SOX6: variants seen among roughly 807,000 people sequenced by gnomAD.
The protein encoded by SOX6 is transcription factor SOX-6.
In SOX6, 11 loss-of-function variants were observed where a neutral mutation model predicts 97.8. That is an observed-to-expected ratio of 0.11 (90% CI 0.07 to 0.19). SOX6 has a LOEUF of 0.19. Among genes scored for constraint, SOX6 ranks in the 10% least tolerant of loss-of-function variants. The pLI, the probability that SOX6 is intolerant of heterozygous loss-of-function variation, is 1.00. For missense variants in SOX6, 810 were observed against 1,039.5 expected (o/e 0.78, Z 3.04); for synonymous variants, 360 against 371.4 (o/e 0.97, Z 0.35).
intron 1 of SOX6, among the ~76,000 whole-genome samples, chr11:16,448,913 T>C (rs561975688): frequency 1.3e-5 from 2 of 152,212 alleles, no homozygotes; most frequent in African/African-American, 2.4e-5. Flanking sequence ...TGCACACTTA[T>C]AAAGCTGTAT....
At chr11:16,295,129 TA>T (rs1205071376) in intron 3 of SOX6, among the ~76,000 whole-genome samples, 3 of 152,090 alleles carry the variant, frequency 2.0e-5, no homozygotes, top group African/African-American at 4.8e-5. Flanking sequence ...TAAGGTAATC[TA>T]AAATGTAAAA....
chr11:16,345,859 T>C (rs1357243323), intron 1 of SOX6, among the ~76,000 whole-genome samples: 1 of 152,028 alleles, frequency 6.6e-6, no homozygotes, highest in Non-Finnish European at 1.5e-5. Flanking sequence ...TATTATAGCT[T>C]GAAAAGTATC....
At chr11:16,022,480 C>T (rs892610466) in intron 12 of SOX6, among the ~76,000 whole-genome samples, 3 of 151,508 alleles carry the variant, frequency 2.0e-5, no homozygotes, top group African/African-American at 7.3e-5. Context: ...GGCATGATCT[C>T]GGCTCACTGC....
chr11:16,041,567 T>G (rs1366337728), intron 12 of SOX6, among the ~76,000 whole-genome samples: 1 of 152,154 alleles, frequency 6.6e-6, no homozygotes, highest in Non-Finnish European at 1.5e-5. Flanking sequence ...TCCTATTTAA[T>G]TCACTGAAAA....
At chr11:16,720,890 C>T (rs530981294) in intron 2 of SOX6, among the ~76,000 whole-genome samples, 2 of 152,146 alleles carry the variant, frequency 1.3e-5, no homozygotes, top group South Asian at 4.2e-4. Context: ...AGTAACTTTT[C>T]GAAGTTGAGA....
intron 3 of SOX6, among the ~76,000 whole-genome samples, chr11:16,654,635 T>A (rs779673569): frequency 6.6e-6 from 1 of 152,196 alleles, no homozygotes; most frequent in African/African-American, 2.4e-5. Flanking sequence ...AATAAAATTC[T>A]AGGCTGATAT....
intron 4 of SOX6, among the ~76,000 whole-genome samples, chr11:16,531,719 C>T (rs948904273): frequency 6.6e-6 from 1 of 151,884 alleles, no homozygotes; most frequent in African/African-American, 2.4e-5. Context: ...TAAAGTCTTA[C>T]ATTATGTGTA....
At chr11:16,627,958 T>A (rs1346388439) in intron 3 of SOX6, among the ~76,000 whole-genome samples, 1 of 152,186 alleles carries the variant, frequency 6.6e-6, no homozygotes, top group Non-Finnish European at 1.5e-5. Context: ...TAATCCATCT[T>A]GAGTTAATTT....
intron 4 of SOX6, among the ~76,000 whole-genome samples, chr11:16,500,810 G>C (rs560094221): frequency 3.9e-5 from 6 of 152,176 alleles, no homozygotes; most frequent in African/African-American, 1.4e-4. Flanking sequence ...AAATAAAAGA[G>C]GATACAAACA....
chr11:16,709,473 G>A (rs1279814346), intron 3 of SOX6, among the ~76,000 whole-genome samples: 2 of 151,986 alleles, frequency 1.3e-5, no homozygotes, highest in Non-Finnish European at 2.9e-5. Flanking sequence ...AGTTGAGATC[G>A]TGCGACTGCA....
chr11:16,484,013 CTCGGGCTT>C lies in SOX6; in HGVS notation n.610-7633_610-7626del, dbSNP rs1860390261. ...CTGGGATCCTCCAGGAGGCAAGGTC[CTCGGGCTT>C]GGCCCAGGGCCTGTCGGGAGAGCCG... On this transcript the variant is annotated intron_variant and non_coding_transcript_variant, in intron 4 of 5. Coordinates refer to the SOX6 transcript ENST00000524520. 68 of 826,474 alleles carry C rather than the reference CTCGGGCTT, an allele frequency of 8.2e-5. 1 individual carries two copies. In the South Asian group the frequency reaches 8.6e-4, roughly 10 times the overall value. The allele number at this position is 826,474 out of a possible 1,614,324, so 51.2% of individuals were successfully genotyped here. A position where few individuals can be genotyped will look rare whatever the true frequency, so the allele number is the denominator to read the frequency against.
chr11:16,184,110 A>C (rs555475413), intron 5 of SOX6, among the ~76,000 whole-genome samples, 156 bp from the exon 6 acceptor site: 8 of 152,236 alleles, frequency 5.3e-5, no homozygotes, highest in African/African-American at 1.9e-4. Flanking sequence ...AGATGGATGA[A>C]AGGAAAAATT....
chr11:15,996,995 T>A (rs755857312), intron 13 of SOX6, among the ~76,000 whole-genome samples: 3 of 151,992 alleles, frequency 2.0e-5, no homozygotes, highest in Non-Finnish European at 4.4e-5. Flanking sequence ...GTAAGATGGG[T>A]CAACAGACAA....
At chr11:16,376,059 A>AG (rs1489098438) in intron 1 of SOX6, among the ~76,000 whole-genome samples, 1 of 152,110 alleles carries the variant, frequency 6.6e-6, no homozygotes, top group African/African-American at 2.4e-5. Flanking sequence ...GGATAACATT[A>AG]GGAGAAATAC....
At chr11:16,561,318 C>G (rs570837487) in intron 4 of SOX6, among the ~76,000 whole-genome samples, 110 of 152,190 alleles carry the variant, frequency 7.2e-4, no homozygotes, top group African/African-American at 2.6e-3. Flanking sequence ...TGAACTGCTC[C>G]TGTGAATGAC....
chr11:16,454,250 C>T (rs1859772748), intron 1 of SOX6, among the ~76,000 whole-genome samples: 2 of 152,016 alleles, frequency 1.3e-5, no homozygotes, highest in South Asian at 4.1e-4. Flanking sequence ...AAATTACAAG[C>T]TCAATTGTTA....
At chr11:16,122,771 G>A (rs938020851) in intron 6 of SOX6, among the ~76,000 whole-genome samples, 16 of 151,922 alleles carry the variant, frequency 1.1e-4, no homozygotes, top group Admixed American at 1.1e-3. Context: ...CAGAGTAGGG[G>A]CTCAACAAAT....
intron 2 of SOX6, among the ~76,000 whole-genome samples, chr11:16,319,867 G>A (rs999318841): frequency 2.8e-4 from 43 of 151,328 alleles, no homozygotes; most frequent in Admixed American, 2.6e-3. Context: ...TTTTACAAAA[G>A]GACAAGTTTA....
intron 4 of SOX6, 41 bp from the exon 5 acceptor site, chr11:16,186,996 T>C: frequency 6.2e-7 from 1 of 1,609,374 alleles, no homozygotes; most frequent in Non-Finnish European, 8.5e-7. Flanking sequence ...GCTTGAGAAA[T>C]ACCTGGACGA....
Sources: allele counts gnomAD v4.1 joint callset (sites outside exome capture counted in the v4.1 genomes callset), GRCh38; gene constraint gnomAD v4.1.1; transcripts MANE v1.5; gene names NCBI Gene and HGNC (gene_info 2026-07-23, HGNC 2026-07-21).